The following GALNT2 variants were observed in gnomAD, a reference collection of about 807,000 sequenced individuals.
GALNT2 encodes the protein polypeptide N-acetylgalactosaminyltransferase 2.
In GALNT2, 31 loss-of-function variants were observed where a neutral mutation model predicts 81.4. The observed-to-expected ratio is 0.38, with a 90% CI of 0.29 to 0.51. The LOEUF (loss-of-function observed/expected upper bound fraction) is 0.51. Ranked by LOEUF, GALNT2 falls within the 20% of genes least tolerant of loss-of-function variation. The probability of loss-of-function intolerance (pLI) is 0.87; values close to 1 mark genes in which losing one functional copy is unlikely to be tolerated. For missense variants in GALNT2, 629 were observed against 765.7 expected (o/e 0.82, Z 2.11); for synonymous variants, 303 against 287.4 (o/e 1.05, Z -0.55).
intron 8 of GALNT2, among the ~76,000 whole-genome samples, chr1:230,247,089 A>G (rs12756760): frequency 2.6e-5 from 4 of 151,662 alleles, no homozygotes; most frequent in Non-Finnish European, 5.9e-5. Context: ...AAAAAAAAAA[A>G]AAAAAATTAG....
At chr1:230,141,788 C>CTTTTTTTTTTTTT (rs60824749) in intron 1 of GALNT2, among the ~76,000 whole-genome samples, 1 of 101,324 alleles carries the variant, frequency 9.9e-6, no homozygotes, top group East Asian at 3.3e-4. Flanking sequence ...TTTTGTTTTC[C>CTTTTTTTTTTTTT]TTTTTTTTTT....
chr1:230,176,919 A>G (rs942120868), intron 1 of GALNT2, among the ~76,000 whole-genome samples: 13 of 152,210 alleles, frequency 8.5e-5, no homozygotes, highest in Non-Finnish European at 1.6e-4. Flanking sequence ...CCCCGGCTGC[A>G]GAATGGTTTC....
At chr1:230,246,731 G>A (rs993508636) in intron 8 of GALNT2, among the ~76,000 whole-genome samples, 1 of 151,996 alleles carries the variant, frequency 6.6e-6, no homozygotes, top group Non-Finnish European at 1.5e-5. Context: ...ACATCACCCT[G>A]GTCCCCTTCC....
intron 1 of GALNT2, among the ~76,000 whole-genome samples, chr1:230,153,081 A>C (rs1662139098): frequency 6.6e-6 from 1 of 152,126 alleles, no homozygotes; most frequent in Non-Finnish European, 1.5e-5. Context: ...TTTTATTTTT[A>C]GAGATGAGGT....
intron 1 of GALNT2, among the ~76,000 whole-genome samples, chr1:230,125,694 CTG>C (rs10628440): frequency 4.6e-5 from 7 of 151,836 alleles, no homozygotes; most frequent in Admixed American, 6.5e-5. Flanking sequence ...CAGTGAGAAA[CTG>C]TTAAGGTAGG....
chr1:230,262,414 G>C (rs1665904661), intron 11 of GALNT2, 159 bp from the exon 12 acceptor site: 1 of 620,728 alleles, frequency 1.6e-6, no homozygotes, highest in South Asian at 2.0e-5. Flanking sequence ...CGAGGTGCTG[G>C]TGGGGACAGC....
At chr1:230,125,726 G>A (rs1037297176) in intron 1 of GALNT2, among the ~76,000 whole-genome samples, 20 of 152,230 alleles carry the variant, frequency 1.3e-4, no homozygotes, top group Admixed American at 3.9e-4. Context: ...AGACAACTTC[G>A]GCTTAGATGA....
In GALNT2 at chr1:230,135,860, AT is replaced by A. The variant is rs57593014; in HGVS notation, c.127-42344del. On this transcript the variant is annotated intron_variant, in intron 1 of 15. Transcript: ENST00000366672. ...ACCACCACGCCTGGCTAACTTTTTC[AT>A]TTTTTTTTTTTTTATAGATGGGGGT... 2.8e-3 allele frequency among the ~76,000 whole-genome samples: 391 copies of A among 140,026 alleles called. 2 individuals are homozygous for A. The highest frequency in any genetic ancestry group is 7.4e-3 in the Middle Eastern group (2 of 272). The allele number at this position is 140,026 out of a possible 152,430, so 91.9% of individuals were successfully genotyped here. A position where few individuals can be genotyped will look rare whatever the true frequency, so the allele number is the denominator to read the frequency against.
rs117334514 is a variant in GALNT2, at chr1:230,265,158, T to C, written c.1314-83T>C. The C allele has an allele frequency of 1.1e-4, 178 of 1,583,108 alleles. No homozygotes were observed. The East Asian group carries it at 3.2e-3, about 28-fold the overall frequency. ...TTTCTCTCGTTCCTGTCACCTGTCATGAGGCCACTGAGCAAAGGGGCTGGT... is the reference window on the plus strand; with the variant it reads ...TTTCTCTCGTTCCTGTCACCTGTCACGAGGCCACTGAGCAAAGGGGCTGGT... On this transcript the variant is annotated intron_variant, in intron 13 of 15. Transcript: ENST00000366672.
intron 1 of GALNT2, among the ~76,000 whole-genome samples, chr1:230,177,203 A>G (rs1448206616): frequency 6.6e-6 from 1 of 152,258 alleles, no homozygotes; most frequent in Non-Finnish European, 1.5e-5. Flanking sequence ...TTTACGTTTT[A>G]AGTAAAGAAC....
chr1:230,216,313 A>G (rs1210126411), intron 3 of GALNT2, among the ~76,000 whole-genome samples: 1 of 152,210 alleles, frequency 6.6e-6, no homozygotes, highest in East Asian at 1.9e-4. Flanking sequence ...CATTTAGGCT[A>G]CGTATTTCAC....
intron 3 of GALNT2, among the ~76,000 whole-genome samples, chr1:230,229,543 G>A (rs1431212561): frequency 6.6e-6 from 1 of 152,146 alleles, no homozygotes; most frequent in Non-Finnish European, 1.5e-5. Flanking sequence ...AGTTGAAGAG[G>A]TTCATAATGT....
rs139917055 is a variant in GALNT2 at position 230,193,064 on chromosome 1, T to A, written c.221-10073T>A. The stretch of plus-strand genomic sequence containing the variant: ...CAGTAAAATTACATTCAATTTGAGA[T>A]CAACCAAATAAATCTGAGAGCCTTG... On this transcript the variant is annotated intron_variant, in intron 2 of 15. Transcript: ENST00000366672. The surrounding 1 kb of genome is among the most constrained non-coding windows in gnomAD (Gnocchi z 4.3). 0.014 allele frequency among the ~76,000 whole-genome samples: 2,094 copies of A among 152,344 alleles called. 10 individuals are homozygous for A. Among genetic ancestry groups the A allele is most frequent in the Non-Finnish European group, 0.023 (1,563 of 68,038 alleles).
intron 1 of GALNT2, among the ~76,000 whole-genome samples, chr1:230,060,230 T>C (rs1157818201): frequency 1.3e-5 from 2 of 152,240 alleles, no homozygotes; most frequent in Non-Finnish European, 2.9e-5. Flanking sequence ...TTTATTCACA[T>C]CCTTGGCCAG....
chr1:230,225,041 G>A (rs1042761948), intron 3 of GALNT2, among the ~76,000 whole-genome samples: 1 of 152,130 alleles, frequency 6.6e-6, no homozygotes, highest in African/African-American at 2.4e-5. Context: ...GTCCTGCAGA[G>A]GTTTTTTAAT....
At chr1:230,170,011 C>T (rs1478036454) in intron 1 of GALNT2, among the ~76,000 whole-genome samples, 1 of 152,210 alleles carries the variant, frequency 6.6e-6, no homozygotes, top group East Asian at 1.9e-4. Flanking sequence ...GTCCCATTCC[C>T]TAAAGTTGTA....
chr1:230,088,244 T>TA (rs1659954730), intron 1 of GALNT2, among the ~76,000 whole-genome samples: 2 of 152,228 alleles, frequency 1.3e-5, no homozygotes, highest in South Asian at 4.1e-4. Flanking sequence ...CATTAAACAG[T>TA]AACTCCCATT....
chr1:230,129,957 C>T (rs1034151453), intron 1 of GALNT2, among the ~76,000 whole-genome samples: 1 of 152,218 alleles, frequency 6.6e-6, no homozygotes, highest in African/African-American at 2.4e-5. Context: ...AGGCATCACC[C>T]GTCTGCTGAA....
At chr1:230,159,408 G>A (rs984605250) in intron 1 of GALNT2, among the ~76,000 whole-genome samples, 8 of 152,304 alleles carry the variant, frequency 5.3e-5, no homozygotes, top group East Asian at 1.9e-4. Flanking sequence ...TAGGTCAACC[G>A]GAGAAATTCA....
Sources: gnomAD v4.1 joint callset for allele counts (sites outside exome capture counted in the v4.1 genomes callset) on GRCh38, gnomAD v4.1.1 for gene constraint, Gnocchi (gnomAD v3.1) non-coding constraint, MANE v1.5 for transcripts, NCBI Gene and HGNC (gene_info 2026-07-23, HGNC 2026-07-21) for gene names.